The following GDPD4 variants were observed in gnomAD, a reference collection of about 807,000 sequenced individuals.
GDPD4 encodes glycerophosphodiester phosphodiesterase 6.
A neutral mutation model predicts 67.8 loss-of-function variants in GDPD4; 60 were observed. That is an observed-to-expected ratio of 0.88 (90% confidence interval 0.72 to 1.10). The LOEUF is 1.10. GDPD4 is among the 50% of genes least tolerant of loss of function. The pLI is 0.00. For missense variants in GDPD4, 623 were observed against 613.9 expected (o/e 1.01, Z -0.16); for synonymous variants, 212 against 210.9 (o/e 1.00, Z -0.04).
intron 13 of GDPD4, among the ~76,000 whole-genome samples, chr11:77,237,509 G>A (rs956368698): frequency 5.3e-5 from 8 of 151,974 alleles, no homozygotes; most frequent in African/African-American, 1.7e-4. Flanking sequence ...ATCTTCAGGG[G>A]GACATGAGAA....
At chr11:77,285,455 C>A (rs1013967502) in intron 2 of GDPD4, among the ~76,000 whole-genome samples, 1 of 152,186 alleles carries the variant, frequency 6.6e-6, no homozygotes, top group African/African-American at 2.4e-5. Context: ...CTCTGTATTA[C>A]CAATACATAG....
chr11:77,242,634 T>C (rs1958691731), intron 13 of GDPD4, among the ~76,000 whole-genome samples: 1 of 151,940 alleles, frequency 6.6e-6, no homozygotes, highest in Admixed American at 6.6e-5. Flanking sequence ...TTTCAACTAC[T>C]AGATCAATCT....
rs143118340 is a variant in GDPD4, at chr11:77,298,922, G to A, written c.-254+2683C>T. Among the ~76,000 whole-genome samples the A allele has an allele frequency of 9.9e-5, 15 of 152,070 alleles. No individual in the cohort carries two copies. The South Asian group carries it at 3.1e-3, about 32-fold the overall frequency. ...GGGTTAAATAAAACACATCTGATGA[G>A]AATTTATGGTTTGTAGGGCATGACT... On this transcript the variant is annotated intron_variant, in intron 1 of 16. Coordinates refer to ENST00000315938, the MANE Select transcript of GDPD4 (RefSeq NM_182833.3).
At chr11:77,217,905 T>C (rs1444456348) in intron 16 of GDPD4, among the ~76,000 whole-genome samples, 1 of 152,188 alleles carries the variant, frequency 6.6e-6, no homozygotes, top group Admixed American at 6.5e-5. Flanking sequence ...ACAGAGAAAT[T>C]GCATGGCCAA....
At chr11:77,262,245 AC>A in intron 10 of GDPD4, among the ~76,000 whole-genome samples, 1 of 152,326 alleles carries the variant, frequency 6.6e-6, no homozygotes, top group South Asian at 2.1e-4. Context: ...TTTACAGGCT[AC>A]TACAAAGCAG....
intron 10 of GDPD4, among the ~76,000 whole-genome samples, chr11:77,265,674 T>C (rs1259804248): frequency 2.0e-5 from 3 of 152,162 alleles, no homozygotes; most frequent in South Asian, 4.1e-4. Flanking sequence ...GTATATTTAG[T>C]TCTATATTTA....
chr11:77,265,557 A>G (rs116419830), intron 10 of GDPD4, among the ~76,000 whole-genome samples: 1,807 of 152,256 alleles, frequency 0.012, 43 homozygotes, highest in African/African-American at 0.042. Flanking sequence ...CATTTCCCCT[A>G]ATAGTAACAT....
intron 5 of GDPD4, among the ~76,000 whole-genome samples, chr11:77,273,808 G>A (rs1389362242): frequency 6.6e-6 from 1 of 152,210 alleles, no homozygotes; most frequent in East Asian, 1.9e-4. Flanking sequence ...AAAGGTGCTG[G>A]AACGGTATCA....
At position 77,284,652 on chromosome 11, in the gene GDPD4, G is replaced by A. The variant is rs147765217; in HGVS notation, c.53+433C>T. On this transcript the variant is annotated intron_variant, in intron 3 of 16. Transcript: ENST00000315938. ...GATACCTGTCACTGTGTTCAGAATC[G>A]TAGGAAGCCTCCTAAGAACAGCAGG... 7.9e-5 allele frequency among the ~76,000 whole-genome samples: 12 copies of A among 152,280 alleles called. No homozygotes were observed. In the East Asian group the frequency reaches 1.7e-3, roughly 22 times the overall value.
rs776725216 is a variant in GDPD4 at position 77,268,885 on chromosome 11, A to G, written c.624+39T>C. On this transcript the variant is annotated intron_variant, in intron 9 of 16. Transcript: ENST00000315938. ...CTTCTCTTGACCACATACCCCACACATACTTATTTTCACCCATGTTCATCA... is the reference window on the plus strand; with the variant it reads ...CTTCTCTTGACCACATACCCCACACGTACTTATTTTCACCCATGTTCATCA... 2.5e-6 allele frequency: 4 copies of G among 1,601,192 alleles called. No homozygotes were observed. In the East Asian group the frequency reaches 6.7e-5, roughly 27 times the overall value.
chr11:77,269,875 G>T lies in GDPD4; in HGVS notation c.478+8C>A, dbSNP rs1408995975. On this transcript the variant is annotated splice_region_variant and intron_variant, in intron 8 of 16. Transcript: ENST00000315938. ...AGTGACTTTCAAATCTCAGTCTCCAGCTCTAACCTCTTAACCTTGTGATTA... is the reference window on the plus strand; with the variant it reads ...AGTGACTTTCAAATCTCAGTCTCCATCTCTAACCTCTTAACCTTGTGATTA... 3 of 1,512,840 alleles carry T rather than the reference G, an allele frequency of 2.0e-6. No individual in the cohort carries two copies. The highest frequency in any genetic ancestry group is 3.6e-5 in the Admixed American group (2 of 55,834). The allele number at this position is 1,512,840 out of a possible 1,614,324, so 93.7% of individuals were successfully genotyped here. A position where few individuals can be genotyped will look rare whatever the true frequency, so the allele number is the denominator to read the frequency against.
intron 13 of GDPD4, among the ~76,000 whole-genome samples, chr11:77,240,148 A>T (rs999157859): frequency 6.6e-6 from 1 of 152,160 alleles, no homozygotes; most frequent in Non-Finnish European, 1.5e-5. Context: ...AAATCCTTAA[A>T]TTTGTATGAC....
In GDPD4 at chr11:77,253,516, C is replaced by G. The variant is rs540182243; in HGVS notation, c.864+4870G>C. ...CTTAGACTCTAGGGAGCTAGTCCAG[C>G]TCCAGGGAAGCAGGGTACTACAATT... is the stretch of plus-strand genomic sequence containing the variant. On this transcript the variant is annotated intron_variant, in intron 11 of 16. Transcript: ENST00000315938. Among the ~76,000 whole-genome samples, 23 of 152,306 alleles carry G rather than the reference C, an allele frequency of 1.5e-4. No individual in the cohort carries two copies. The South Asian group carries it at 4.8e-3, about 32-fold the overall frequency.
chr11:77,231,752 T>G (rs1958459552), intron 14 of GDPD4, among the ~76,000 whole-genome samples: 2 of 152,326 alleles, frequency 1.3e-5, no homozygotes, highest in East Asian at 3.9e-4. Flanking sequence ...TTCTAAATTA[T>G]GCATTTTTGT....
At chr11:77,272,599 A>T (rs1959265933) in intron 5 of GDPD4, among the ~76,000 whole-genome samples, 1 of 152,122 alleles carries the variant, frequency 6.6e-6, no homozygotes, top group Non-Finnish European at 1.5e-5. Context: ...AATATGGTGA[A>T]ACCCCATCTC....
chr11:77,225,456 G>A (rs1369861044), intron 16 of GDPD4, among the ~76,000 whole-genome samples: 1 of 152,074 alleles, frequency 6.6e-6, no homozygotes, highest in Non-Finnish European at 1.5e-5. Context: ...ATTATACTCT[G>A]ACAGATCTAA....
intron 1 of GDPD4, among the ~76,000 whole-genome samples, chr11:77,297,827 C>G (rs1361550294): frequency 6.6e-6 from 1 of 152,038 alleles, no homozygotes; most frequent in African/African-American, 2.4e-5. Context: ...CTCAAATGAC[C>G]AAGCATTAGG....
rs1417582521 is a variant in GDPD4 at position 77,216,859 on chromosome 11, G to A, written c.*418C>T. The A allele has an allele frequency of 1.5e-6, 1 of 650,150 alleles. No individual in the cohort carries two copies. The allele number at this position is 650,150 out of a possible 1,614,324, so 40.3% of individuals were successfully genotyped here. On this transcript the variant is annotated 3_prime_UTR_variant, in exon 17 of 17. Coordinates refer to ENST00000315938, the MANE Select transcript of GDPD4 (RefSeq NM_182833.3). Reference sequence around the variant, plus strand: ...CTTCTTTGGAAACACAGAAGGCTATGTCAGATGCAATGGAATATATTGTGA... The same window carrying A: ...CTTCTTTGGAAACACAGAAGGCTATATCAGATGCAATGGAATATATTGTGA...
At chr11:77,280,844 G>T (rs1959724634) in intron 3 of GDPD4, among the ~76,000 whole-genome samples, 1 of 152,170 alleles carries the variant, frequency 6.6e-6, no homozygotes, top group Admixed American at 6.5e-5. Flanking sequence ...CGTGAAAAAA[G>T]GGAGTGAAAA....
Sources: gnomAD v4.1 joint callset for allele counts (sites outside exome capture counted in the v4.1 genomes callset) on GRCh38, gnomAD v4.1.1 for gene constraint, MANE v1.5 for transcripts, NCBI Gene and HGNC (gene_info 2026-07-23, HGNC 2026-07-21) for gene names.